The following MOK variants were observed in gnomAD, a reference collection of about 807,000 sequenced individuals.
MOK encodes the protein MAPK/MAK/MRK overlapping kinase.
Under a neutral mutation model 54.2 loss-of-function variants are expected in MOK, and 59 were observed. The observed-to-expected ratio is 1.09, with a 90% CI of 0.88 to 1.35. The LOEUF (loss-of-function observed/expected upper bound fraction) is 1.35, where lower values mean the gene tolerates loss of function less well. Among genes scored for constraint, MOK ranks in the 40% most tolerant of loss-of-function variants. The probability of loss-of-function intolerance (pLI) is 0.00; values close to 1 mark genes in which losing one functional copy is unlikely to be tolerated. For missense variants in MOK, 517 were observed against 526.2 expected (o/e 0.98, Z 0.17); for synonymous variants, 210 against 202.7 (o/e 1.04, Z -0.31).
the MOK span, among the ~76,000 whole-genome samples, chr14:102,216,686 T>C: frequency 6.6e-5 from 10 of 152,176 alleles, no homozygotes; most frequent in Admixed American, 6.5e-4. Context: ...TCCCAGCACT[T>C]TGGGAGGCCG....
intron 1 of MOK, among the ~76,000 whole-genome samples, chr14:102,290,107 T>C: frequency 6.9e-6 from 1 of 145,090 alleles, no homozygotes. Flanking sequence ...CCTGGAAACT[T>C]ACAAGAAGCA....
At chr14:102,251,030 A>G (rs769232450) in intron 6 of MOK, 40 bp from the exon 7 acceptor site, 2 of 1,600,296 alleles carry the variant, frequency 1.2e-6, no homozygotes, top group South Asian at 1.1e-5. Context: ...ACATCCCATT[A>G]TGTGGCTATC....
At chr14:102,300,323 CAA>C (rs71468398) in intron 1 of MOK, among the ~76,000 whole-genome samples, 6 of 38,476 alleles carry the variant, frequency 1.6e-4, no homozygotes, top group South Asian at 9.9e-4. Context: ...AACTCTATCT[CAA>C]AAAAAAAAAA....
At chr14:102,266,414 C>G (rs896680747) in intron 2 of MOK, among the ~76,000 whole-genome samples, 3 of 151,526 alleles carry the variant, frequency 2.0e-5, no homozygotes, top group African/African-American at 7.3e-5. Context: ...AGGTGATCCT[C>G]CCACCTTAGC....
In MOK at chr14:102,229,442, C is replaced by G. The variant is rs756636013; in HGVS notation, c.1182+15G>C. The G allele has an allele frequency of 3.7e-6, 6 of 1,614,208 alleles. No individual in the cohort carries two copies. Among genetic ancestry groups the G allele is most frequent in the South Asian group, 3.3e-5 (3 of 91,090 alleles). On this transcript the variant is annotated intron_variant, in intron 11 of 11. Transcript: ENST00000361847. ...TCGAAGAGCAGCGCCGTCAGAGAAGCTGGTTCCGCGCTACCTTCTTGCTCG... is the reference window on the plus strand; with the variant it reads ...TCGAAGAGCAGCGCCGTCAGAGAAGGTGGTTCCGCGCTACCTTCTTGCTCG...
At chr14:102,288,233 G>C (rs190438208) in intron 1 of MOK, among the ~76,000 whole-genome samples, 13 of 152,310 alleles carry the variant, frequency 8.5e-5, no homozygotes, top group Admixed American at 3.3e-4. Flanking sequence ...ACCTGTAAGT[G>C]AATGTTCACA....
chr14:102,228,530 T>G (rs1246735690), downstream of MOK, among the ~76,000 whole-genome samples: 3 of 151,892 alleles, frequency 2.0e-5, no homozygotes, highest in African/African-American at 7.3e-5. Context: ...AAACCCCGTC[T>G]CTACTAAAAA....
chr14:102,297,674 G>A (rs1020112291), intron 1 of MOK, among the ~76,000 whole-genome samples: 11 of 152,206 alleles, frequency 7.2e-5, no homozygotes, highest in Admixed American at 1.3e-4. Flanking sequence ...GAGGCACCGC[G>A]AGGTGTGGAG....
chr14:102,296,760 A>AT (rs1567250254), intron 1 of MOK, among the ~76,000 whole-genome samples: 1 of 152,130 alleles, frequency 6.6e-6, no homozygotes. Context: ...ATCTCTAAAA[A>AT]AATAATAATA....
In MOK at chr14:102,251,975, C is replaced by T; in HGVS notation, c.304G>A (p.Glu102Lys). ...LIRGRRYPLS[E>K]KKIMHYMYQL... ...TACATATAGTGCATAATTTTTTTTT[C>T]TGATAATGGGTATCTTCTCCCTGTA... The change falls in exon 5 of 12, where the codon GAA becomes AAA. Residue 102 changes from glutamate to lysine, a missense_variant. By Grantham distance (56) the Glu-to-Lys change is moderately conservative. Coordinates refer to ENST00000361847, the MANE Select transcript of MOK (RefSeq NM_014226.3). 1 of 1,596,000 alleles carries T rather than the reference C, an allele frequency of 6.3e-7. No individual in the cohort carries two copies. The highest frequency in any genetic ancestry group is 8.6e-7 in the Non-Finnish European group (1 of 1,165,152).
chr14:102,214,892 T>G, the MOK span: 2 of 985,040 alleles, frequency 2.0e-6, no homozygotes, highest in Non-Finnish European at 2.4e-6. Context: ...TTTTAGCTGT[T>G]GCCTTGTCAC....
At chr14:102,216,207 C>G in the MOK span, among the ~76,000 whole-genome samples, 4 of 152,220 alleles carry the variant, frequency 2.6e-5, no homozygotes, top group Non-Finnish European at 5.9e-5. Context: ...TCTGGGCTGT[C>G]AAAGCGGAGG....
chr14:102,286,961 T>C (rs1467346261), intron 1 of MOK, among the ~76,000 whole-genome samples: 2 of 151,114 alleles, frequency 1.3e-5, no homozygotes, highest in Non-Finnish European at 2.9e-5. Flanking sequence ...CCTTAAAAAC[T>C]ATACACACAC....
At chr14:102,218,836 A>G in the MOK span, among the ~76,000 whole-genome samples, 121 of 152,320 alleles carry the variant, frequency 7.9e-4, no homozygotes, top group South Asian at 2.3e-3. Context: ...AAAGCCTGGA[A>G]TTGCCAGCTG....
intron 1 of MOK, among the ~76,000 whole-genome samples, chr14:102,288,072 G>A (rs942037139): frequency 4.7e-5 from 7 of 149,760 alleles, no homozygotes; most frequent in Non-Finnish European, 8.8e-5. Context: ...CTGACCTCAT[G>A]ATCCACCCGC....
chr14:102,274,239 G>A (rs111961521), intron 2 of MOK, among the ~76,000 whole-genome samples: 1 of 148,064 alleles, frequency 6.8e-6, no homozygotes, highest in African/African-American at 2.5e-5. Context: ...TTACAGGTGT[G>A]AGCCACCGTA....
intron 7 of MOK, 26 bp downstream of exon 7, chr14:102,250,786 C>G: frequency 6.2e-7 from 1 of 1,604,208 alleles, no homozygotes; most frequent in Non-Finnish European, 8.5e-7. Flanking sequence ...CCGCAGGAAC[C>G]AGGCAGGAGC....
At chr14:102,297,532 C>T (rs1265961591) in intron 1 of MOK, among the ~76,000 whole-genome samples, 1 of 152,268 alleles carries the variant, frequency 6.6e-6, no homozygotes, top group Non-Finnish European at 1.5e-5. Flanking sequence ...CTCTCGGCAC[C>T]TCCTCGGCCT....
At chr14:102,260,985 C>T (rs371677696) in intron 4 of MOK, among the ~76,000 whole-genome samples, 2 of 151,694 alleles carry the variant, frequency 1.3e-5, no homozygotes, top group South Asian at 2.1e-4. Flanking sequence ...TGGCTGGGCG[C>T]GGTGGCTCAT....
Sources: gnomAD v4.1 joint callset for allele counts (sites outside exome capture counted in the v4.1 genomes callset) on GRCh38, gnomAD v4.1.1 for gene constraint, MANE v1.5 for transcripts, NCBI Gene and HGNC (gene_info 2026-07-23, HGNC 2026-07-21) for gene names.